Variants in USP7 observed in about 807,000 individuals in gnomAD.
USP7 encodes the protein ubiquitin specific peptidase 7, also known as ubiquitin C-terminal hydrolase 7.
USP7 carries 9 observed loss-of-function variants against 162.9 expected under a neutral mutation model. The ratio of observed to expected loss-of-function variants is 0.06; its 90% CI spans 0.03 to 0.10. The LOEUF (loss-of-function observed/expected upper bound fraction) is 0.10, where lower values mean the gene tolerates loss of function less well. Among genes scored for constraint, USP7 ranks in the 10% least tolerant of loss-of-function variants. The probability of loss-of-function intolerance (pLI) is 1.00; values close to 1 mark genes in which losing one functional copy is unlikely to be tolerated. For missense variants in USP7, 715 were observed against 1,373.7 expected, an observed-to-expected ratio of 0.52 and a Z score of 7.58; for synonymous variants, 562 against 475.9, an observed-to-expected ratio of 1.18 and a Z score of -2.35.
chr16:8,905,346 A>G lies in USP7; in HGVS notation c.1429-15T>C. 1 of 1,613,200 alleles carries G rather than the reference A, an allele frequency of 6.2e-7. No homozygotes were observed. The highest frequency in any genetic ancestry group is 8.5e-7 in the Non-Finnish European group (1 of 1,179,128). On this transcript the variant is annotated splice_polypyrimidine_tract_variant and intron_variant, in intron 13 of 30. Coordinates refer to ENST00000344836, the MANE Select transcript of USP7 (RefSeq NM_003470.3). ...AATTTACACCACTGCAAGGAAAACA[A>G]CACACACCAGCAGCGATCAAGCACT... is the stretch of plus-strand genomic sequence containing the variant.
At chr16:8,910,648 A>G in intron 11 of USP7, 97 bp downstream of exon 11, 1 of 1,099,822 alleles carries the variant, frequency 9.1e-7, no homozygotes, top group Admixed American at 2.1e-5. Context: ...CCAGAAACAC[A>G]TGAAAAGGCA....
intron 1 of USP7, among the ~76,000 whole-genome samples, chr16:8,962,256 C>T (rs1900042877): frequency 6.6e-6 from 1 of 152,218 alleles, no homozygotes; most frequent in Non-Finnish European, 1.5e-5. Flanking sequence ...ACAGCCTGAA[C>T]TCGTCACGTA....
rs769382825 is a variant in USP7 at position 8,919,055 on chromosome 16, T to C, written c.696A>G (p.Leu232=). 4.3e-6 allele frequency: 7 copies of C among 1,613,814 alleles called. No homozygotes were observed. The highest frequency in any genetic ancestry group is 1.1e-5 in the South Asian group (1 of 91,066). ...CCTTTCGTAGCTGATTCGTGAAAAA[T>C]AACGTCTGTAGCAGGCTGTTCATGT... is the stretch of plus-strand genomic sequence containing the variant. ...TCYMNSLLQT[L]FFTNQLRKAV... The change falls in exon 6 of 31, where the codon TTA becomes TTG. Residue 232 remains leucine, a synonymous_variant. Coordinates refer to ENST00000344836, the MANE Select transcript of USP7 (RefSeq NM_003470.3).
At chr16:8,910,896 G>T in intron 10 of USP7, 69 bp from the exon 11 acceptor site, 1 of 1,296,778 alleles carries the variant, frequency 7.7e-7, no homozygotes, top group Non-Finnish European at 1.1e-6. Flanking sequence ...ACAGGTGTAA[G>T]TTATTTAAAT....
intron 5 of USP7, 123 bp downstream of exon 5, chr16:8,920,236 G>T (rs1395826259): frequency 3.7e-6 from 3 of 811,012 alleles, no homozygotes; most frequent in Admixed American, 2.6e-5. Context: ...GTGTGCCACA[G>T]GGCAAGCGCA....
intron 1 of USP7, chr16:8,962,435 C>T (rs2141271936): frequency 2.3e-6 from 1 of 440,020 alleles, no homozygotes; most frequent in African/African-American, 2.0e-5. Flanking sequence ...AACTACAGTG[C>T]CTTGGAAAAT....
At chr16:8,946,563 AAAC>A (rs1899291881) in intron 1 of USP7, among the ~76,000 whole-genome samples, 1 of 152,222 alleles carries the variant, frequency 6.6e-6, no homozygotes, top group Non-Finnish European at 1.5e-5. Flanking sequence ...TCAAATATAT[AAAC>A]AACAGTTCAC....
chr16:8,955,489 G>A (rs919741631), intron 1 of USP7, among the ~76,000 whole-genome samples: 6 of 152,116 alleles, frequency 3.9e-5, no homozygotes, highest in African/African-American at 1.4e-4. Context: ...TTGGGAGGCC[G>A]AGTGAGGCAG....
intron 1 of USP7, among the ~76,000 whole-genome samples, chr16:8,954,758 G>A (rs1304672145): frequency 6.6e-6 from 1 of 152,016 alleles, no homozygotes; most frequent in African/African-American, 2.4e-5. Context: ...GGGTGGATCA[G>A]GAGATCGAGA....
chr16:8,910,964 T>C (rs766876530), intron 10 of USP7, 137 bp from the exon 11 acceptor site: 10 of 703,674 alleles, frequency 1.4e-5, no homozygotes, highest in East Asian at 2.7e-5. Context: ...TCTCCCCCTG[T>C]AGCCAAGACT....
chr16:8,895,589 G>T, intron 27 of USP7, 53 bp downstream of exon 27: 1 of 1,379,262 alleles, frequency 7.3e-7, no homozygotes, highest in Non-Finnish European at 1.0e-6. Context: ...TAAATATGCA[G>T]CAGATGGGGC....
chr16:8,919,949 T>A (rs1897595253), intron 5 of USP7, among the ~76,000 whole-genome samples: 1 of 152,106 alleles, frequency 6.6e-6, no homozygotes, highest in African/African-American at 2.4e-5. Flanking sequence ...GCTCACCATG[T>A]TAGTTGTCGG....
chr16:8,910,911 A>G, intron 10 of USP7, 84 bp from the exon 11 acceptor site: 6 of 1,142,614 alleles, frequency 5.3e-6, no homozygotes, highest in African/African-American at 1.5e-5. Flanking sequence ...TTAAATCAGC[A>G]TATTTAGGAT....
In USP7 at chr16:8,892,957, T is replaced by G. The variant is rs1322901501; in HGVS notation, c.*1041A>C. 3.3e-5 allele frequency: 5 copies of G among 152,108 alleles called. No individual in the cohort carries two copies. The highest frequency in any genetic ancestry group is 7.4e-5 in the Non-Finnish European group (5 of 68,024). The allele number at this position is 152,108 out of a possible 1,614,324, so 9.4% of individuals were successfully genotyped here. ...TCAAAACTAGACACGCAGCTGGCATTAGCTCCAAAATAAAAGGAAACGGGG... is the reference window on the plus strand; with the variant it reads ...TCAAAACTAGACACGCAGCTGGCATGAGCTCCAAAATAAAAGGAAACGGGG... On this transcript the variant is annotated 3_prime_UTR_variant, in exon 31 of 31. Transcript: ENST00000344836.
chr16:8,930,508 T>C (rs1898258464), intron 1 of USP7, 111 bp from the exon 2 acceptor site: 1 of 687,986 alleles, frequency 1.5e-6, no homozygotes, highest in African/African-American at 1.8e-5. Context: ...AAATTCCAAT[T>C]GTACCACAAT....
chr16:8,903,120 G>T, intron 16 of USP7, 148 bp downstream of exon 16: 1 of 1,089,364 alleles, frequency 9.2e-7, no homozygotes, highest in Non-Finnish European at 1.3e-6. Context: ...TTCTCAGGCA[G>T]GAAATGTTCC....
intron 1 of USP7, chr16:8,956,265 A>G (rs926074896): frequency 6.6e-6 from 1 of 152,186 alleles, no homozygotes; most frequent in Middle Eastern, 3.2e-3. Context: ...TTCCTTCTAA[A>G]TAGTTTTTAG....
chr16:8,947,625 G>A (rs1232075542), intron 1 of USP7, among the ~76,000 whole-genome samples: 4 of 139,140 alleles, frequency 2.9e-5, no homozygotes, highest in African/African-American at 1.3e-4. Context: ...TGGGATTACA[G>A]GTGTGCGCTT....
At chr16:8,954,177 G>GCGCCAC (rs1185703282) in intron 1 of USP7, among the ~76,000 whole-genome samples, 5 of 78,008 alleles carry the variant, frequency 6.4e-5, no homozygotes, top group African/African-American at 4.2e-5. Context: ...GCCCCCTGCG[G>GCGCCAC]TGCCACTGGA....
Sources: allele counts gnomAD v4.1 joint callset (sites outside exome capture counted in the v4.1 genomes callset), GRCh38; gene constraint gnomAD v4.1.1; transcripts MANE v1.5; gene names NCBI Gene and HGNC (gene_info 2026-07-23, HGNC 2026-07-21).